The following CCDC39 variants were observed in gnomAD, a reference collection of about 807,000 sequenced individuals.
The protein encoded by CCDC39 is coiled-coil domain 39 molecular ruler complex subunit.
CCDC39 carries 113 observed loss-of-function variants against 121.0 expected under a neutral mutation model. The observed-to-expected ratio is 0.93, with a 90% CI of 0.80 to 1.09. The LOEUF is 1.09. CCDC39 is among the 50% of genes least tolerant of loss of function. The pLI is 0.00. For synonymous variants in CCDC39, 349 were observed against 352.2 expected (o/e 0.99, Z 0.10); for missense variants, 1,063 against 1,074.7 (o/e 0.99, Z 0.15).
intron 7 of CCDC39, 145 bp from the exon 8 acceptor site, chr3:180,652,411 T>C: frequency 2.0e-6 from 1 of 493,326 alleles, no homozygotes; most frequent in South Asian, 3.6e-5. Flanking sequence ...ATTTAATATA[T>C]AAACAGATTT....
Position 180,649,628 on chromosome 3 carries a change from A to G in CCDC39, c.1168-1269T>C, listed in dbSNP as rs545876895. Among the ~76,000 whole-genome samples the G allele has an allele frequency of 8.1e-4, 124 of 152,326 alleles. 2 individuals carry two copies. The highest frequency in any genetic ancestry group is 7.8e-3 in the Admixed American group (119 of 15,304). On this transcript the variant is annotated intron_variant, in intron 9 of 19. Coordinates refer to ENST00000476379, the MANE Select transcript of CCDC39 (RefSeq NM_181426.2). ...TGGTGAATAACACAGTACATCTCCA[A>G]AAAAGATAGGGTTGGGATTTTTTCA...
intron 1 of CCDC39, among the ~76,000 whole-genome samples, chr3:180,672,203 G>T (rs1449236635): frequency 1.3e-5 from 2 of 151,948 alleles, no homozygotes; most frequent in South Asian, 2.1e-4. Flanking sequence ...TCTATAGATA[G>T]GAAAAAAAAG....
At chr3:180,644,015 A>T in intron 12 of CCDC39, 105 bp downstream of exon 12, 1 of 800,490 alleles carries the variant, frequency 1.2e-6, no homozygotes, top group Non-Finnish European at 1.9e-6. Flanking sequence ...TATAGTGATT[A>T]TAGTGACATT....
At chr3:180,676,912 T>C (rs558679728) in intron 1 of CCDC39, among the ~76,000 whole-genome samples, 38 of 151,458 alleles carry the variant, frequency 2.5e-4, no homozygotes, top group Non-Finnish European at 3.7e-4. Context: ...AACCAAACAC[T>C]GCATGTTCTC....
At chr3:180,629,060 A>T (rs1203256052) in intron 14 of CCDC39, among the ~76,000 whole-genome samples, 1 of 152,244 alleles carries the variant, frequency 6.6e-6, no homozygotes, top group East Asian at 1.9e-4. Flanking sequence ...TTGTCCCAGC[A>T]GTGAAAATGC....
chr3:180,654,561 C>A (rs774773860), intron 7 of CCDC39, among the ~76,000 whole-genome samples: 5 of 150,452 alleles, frequency 3.3e-5, no homozygotes, highest in Non-Finnish European at 5.9e-5. Flanking sequence ...TGAATGGCGC[C>A]CCGTGGTGCT....
At chr3:180,638,971 G>C (rs2093017254) in intron 13 of CCDC39, among the ~76,000 whole-genome samples, 1 of 152,006 alleles carries the variant, frequency 6.6e-6, no homozygotes, top group Middle Eastern at 3.2e-3. Context: ...CAAGAGAAAA[G>C]AAAGCATATG....
At chr3:180,669,200 G>C (rs13060834) in intron 1 of CCDC39, among the ~76,000 whole-genome samples, 32,355 of 151,104 alleles carry the variant, frequency 0.21, 3,667 homozygotes, top group East Asian at 0.39. Flanking sequence ...TCTGGTGTTT[G>C]GCTGATTTAT....
intron 1 of CCDC39, among the ~76,000 whole-genome samples, chr3:180,665,572 T>C (rs544942945): frequency 4.6e-5 from 7 of 152,104 alleles, no homozygotes; most frequent in Non-Finnish European, 8.8e-5. Context: ...TCGTTTCCTG[T>C]TCTTTTTTTA....
intron 14 of CCDC39, among the ~76,000 whole-genome samples, chr3:180,623,497 G>T (rs115997421): frequency 0.019 from 2,861 of 151,750 alleles, 101 homozygotes; most frequent in African/African-American, 0.065. Flanking sequence ...ACTTTGGTTT[G>T]GTTTTGTTTT....
chr3:180,675,471 T>G (rs1712170163), intron 1 of CCDC39, among the ~76,000 whole-genome samples: 1 of 152,218 alleles, frequency 6.6e-6, no homozygotes, highest in Non-Finnish European at 1.5e-5. Flanking sequence ...TTTTTGTGTC[T>G]CTATCTCCTT....
At position 180,659,755 on chromosome 3, in the gene CCDC39, T is replaced by C. The variant is rs779897284; in HGVS notation, c.531A>G (p.Gln177=). The change falls in exon 5 of 20, where the codon CAA becomes CAG. Residue 177 remains glutamine (Q), a synonymous_variant. Transcript: ENST00000476379. ...TACATTCCAAAGTTAGTCTTTCTAA[T>C]TGCAGAGTCAGTGCCTATGATGTAA... ...DDNKIRALTL[Q]LERLTLECNQ... The C allele has an allele frequency of 6.8e-6, 11 of 1,609,982 alleles. No homozygotes were observed. Among genetic ancestry groups the C allele is most frequent in the Admixed American group, 6.7e-5 (4 of 59,878 alleles).
rs1717138339 is a variant in CCDC39, at chr3:180,614,381, G to T, written c.*540C>A. ...TCTCTTACCGGTTTTTTTTTGGGGG[G>T]GTGGGGTGGGTAGGGGTTGATGCTA... On this transcript the variant is annotated 3_prime_UTR_variant, in exon 20 of 20. Coordinates refer to ENST00000476379, the MANE Select transcript of CCDC39 (RefSeq NM_181426.2). 6.7e-6 allele frequency: 1 copy of T among 148,192 alleles called. No individual in the cohort carries two copies. 9.2% of individuals were successfully genotyped at this position (148,192 alleles called of 1,614,324 possible). A position where few individuals can be genotyped will look rare whatever the true frequency, so the allele number is the denominator to read the frequency against.
At chr3:180,673,506 T>C (rs1477195072) in intron 1 of CCDC39, among the ~76,000 whole-genome samples, 1 of 152,186 alleles carries the variant, frequency 6.6e-6, no homozygotes, top group Admixed American at 6.5e-5. Flanking sequence ...ATAAAGTATT[T>C]TCAATTAAGG....
intron 13 of CCDC39, among the ~76,000 whole-genome samples, chr3:180,635,302 T>G (rs1344086236): frequency 6.6e-6 from 1 of 152,100 alleles, no homozygotes; most frequent in Non-Finnish European, 1.5e-5. Flanking sequence ...CAAACCATAT[T>G]CTGCCCCTAG....
chr3:180,626,012 C>T (rs922235113), intron 14 of CCDC39, among the ~76,000 whole-genome samples: 4 of 151,832 alleles, frequency 2.6e-5, no homozygotes, highest in Non-Finnish European at 4.4e-5. Context: ...GACATGCAGG[C>T]GGGTTTTCAG....
intron 1 of CCDC39, among the ~76,000 whole-genome samples, chr3:180,670,821 T>C (rs1192999385): frequency 6.6e-6 from 1 of 152,136 alleles, no homozygotes; most frequent in Non-Finnish European, 1.5e-5. Context: ...AATTGAGAAC[T>C]AGCTAAAGCA....
At chr3:180,653,739 C>T (rs567690161) in intron 7 of CCDC39, among the ~76,000 whole-genome samples, 17 of 152,268 alleles carry the variant, frequency 1.1e-4, no homozygotes, top group African/African-American at 3.9e-4. Context: ...CATCCATTGG[C>T]ATCCACAGGG....
chr3:180,677,153 ATAATAATAATAATTTTAT>A (rs1175441605), intron 1 of CCDC39, among the ~76,000 whole-genome samples: 1 of 109,210 alleles, frequency 9.2e-6, no homozygotes, highest in Admixed American at 9.7e-5. Context: ...TATAATAATA[ATAATAATAATAATTTTAT>A]ATATATATAT....
Sources: gnomAD v4.1 joint callset for allele counts (sites outside exome capture counted in the v4.1 genomes callset) on GRCh38, gnomAD v4.1.1 for gene constraint, MANE v1.5 for transcripts, NCBI Gene and HGNC (gene_info 2026-07-23, HGNC 2026-07-21) for gene names.